The following CAMK1D variants were observed in gnomAD, a reference collection of about 807,000 sequenced individuals.
CAMK1D encodes the protein calcium/calmodulin dependent protein kinase ID.
Under a neutral mutation model 47.7 loss-of-function variants are expected in CAMK1D, and 9 were observed. The ratio of observed to expected loss-of-function variants is 0.19; its 90% CI spans 0.11 to 0.33. The LOEUF (loss-of-function observed/expected upper bound fraction) is 0.33, where lower values mean the gene tolerates loss of function less well. Among genes scored for constraint, CAMK1D ranks in the 10% least tolerant of loss-of-function variants. CAMK1D has a pLI of 1.00. For missense variants in CAMK1D, 291 were observed against 488.7 expected (o/e 0.60, Z 3.81); for synonymous variants, 184 against 184.9 (o/e 0.99, Z 0.04).
chr10:12,525,514 T>A (rs1288272886), intron 1 of CAMK1D, among the ~76,000 whole-genome samples: 4 of 152,332 alleles, frequency 2.6e-5, no homozygotes, highest in African/African-American at 9.6e-5. Flanking sequence ...ACTCATCTAG[T>A]GAATTTTTAA....
intron 1 of CAMK1D, among the ~76,000 whole-genome samples, chr10:12,387,055 T>G (rs978986201): frequency 6.6e-6 from 1 of 151,250 alleles, no homozygotes; most frequent in African/African-American, 2.4e-5. Flanking sequence ...TACAAAAAAA[T>G]TAGCCAGGTG....
At chr10:12,441,784 A>G (rs1832792801) in intron 1 of CAMK1D, among the ~76,000 whole-genome samples, 1 of 151,854 alleles carries the variant, frequency 6.6e-6, no homozygotes, top group African/African-American at 2.4e-5. Flanking sequence ...GGGCAACAGA[A>G]TGAGACTCTG....
intron 1 of CAMK1D, among the ~76,000 whole-genome samples, chr10:12,392,369 C>G (rs968947481): frequency 2.4e-4 from 37 of 152,054 alleles, no homozygotes; most frequent in African/African-American, 8.4e-4. Flanking sequence ...CTCCTCCTTC[C>G]CTCTCCCCCC....
intron 1 of CAMK1D, among the ~76,000 whole-genome samples, chr10:12,355,030 A>G (rs1837467986): frequency 6.6e-6 from 1 of 150,918 alleles, no homozygotes; most frequent in Non-Finnish European, 1.5e-5. Flanking sequence ...TTTTGTAGAG[A>G]CAGAGTTTTG....
intron 1 of CAMK1D, among the ~76,000 whole-genome samples, chr10:12,487,131 G>A (rs1287493602): frequency 6.6e-6 from 1 of 152,136 alleles, no homozygotes; most frequent in East Asian, 1.9e-4. Context: ...ACTAAGCCTA[G>A]TAACCAATAG....
At chr10:12,644,669 C>G (rs973662889) in intron 2 of CAMK1D, among the ~76,000 whole-genome samples, 2 of 152,166 alleles carry the variant, frequency 1.3e-5, no homozygotes, top group African/African-American at 4.8e-5. Context: ...CGGAGGCTTC[C>G]CTCTGCTTCT....
At chr10:12,553,857 T>TG (rs1049065817) in intron 2 of CAMK1D, among the ~76,000 whole-genome samples, 3 of 152,098 alleles carry the variant, frequency 2.0e-5, no homozygotes, top group African/African-American at 4.8e-5. Context: ...TATAATAAGG[T>TG]GATGAAGCTC....
rs962070108 is a variant in CAMK1D at position 12,408,942 on chromosome 10, C to G, written c.92+59032C>G. Among the ~76,000 whole-genome samples, 3 of 151,238 alleles carry G rather than the reference C, an allele frequency of 2.0e-5. No homozygotes were observed. The East Asian group carries it at 5.8e-4, about 29-fold the overall frequency. On this transcript the variant is annotated intron_variant, in intron 1 of 10. Coordinates refer to ENST00000619168, the MANE Select transcript of CAMK1D (RefSeq NM_153498.4). Reference sequence around the variant, plus strand: ...GATCTCAGCTCACTGCAACCTCCACCTCCCGGATTCAAGCAATTCTCCTGC... The same window carrying G: ...GATCTCAGCTCACTGCAACCTCCACGTCCCGGATTCAAGCAATTCTCCTGC...
chr10:12,531,009 G>A (rs992807721), intron 1 of CAMK1D, among the ~76,000 whole-genome samples: 1 of 150,288 alleles, frequency 6.7e-6, no homozygotes. Context: ...AGTGAGCCAA[G>A]ATTGTGCCAC....
rs140343147 is a variant in CAMK1D at position 12,753,798 on chromosome 10, G to A, written c.300-7150G>A. Reference sequence around the variant, plus strand: ...GAGTGAGTTCTGGCTGCTTTCACTGGTTCCCCTTTTTCAGTATAATTCCAT... The same window carrying A: ...GAGTGAGTTCTGGCTGCTTTCACTGATTCCCCTTTTTCAGTATAATTCCAT... On this transcript the variant is annotated intron_variant, in intron 3 of 10. Transcript: ENST00000619168. Among the ~76,000 whole-genome samples the A allele has an allele frequency of 2.3e-3, 344 of 152,320 alleles. 2 individuals are homozygous for A. The highest frequency in any genetic ancestry group is 7.5e-3 in the African/African-American group (313 of 41,570).
intron 6 of CAMK1D, among the ~76,000 whole-genome samples, chr10:12,796,469 T>C (rs1244976513): frequency 2.0e-5 from 3 of 152,236 alleles, no homozygotes; most frequent in Non-Finnish European, 4.4e-5. Flanking sequence ...CTAATCTGCA[T>C]GCTTATATCC....
chr10:12,440,286 ATTT>A (rs5783268), intron 1 of CAMK1D, among the ~76,000 whole-genome samples: 15 of 135,510 alleles, frequency 1.1e-4, no homozygotes, highest in Non-Finnish European at 1.3e-4. Context: ...GTCTTTTTGG[ATTT>A]TTTTTTTTTT....
At chr10:12,597,216 T>C (rs1268165511) in intron 2 of CAMK1D, among the ~76,000 whole-genome samples, 1 of 152,196 alleles carries the variant, frequency 6.6e-6, no homozygotes, top group African/African-American at 2.4e-5. Context: ...AAACTGCACG[T>C]GGTCTGTATG....
intron 1 of CAMK1D, among the ~76,000 whole-genome samples, chr10:12,464,590 C>T (rs566584627): frequency 1.3e-5 from 2 of 152,056 alleles, no homozygotes; most frequent in African/African-American, 2.4e-5. Context: ...CCGAGGCAGG[C>T]GGATCACGAG....
At chr10:12,745,776 G>C (rs572399776) in intron 3 of CAMK1D, among the ~76,000 whole-genome samples, 45 of 151,926 alleles carry the variant, frequency 3.0e-4, no homozygotes, top group African/African-American at 1.1e-3. Flanking sequence ...CTAATTTTTG[G>C]TATTTTTAGT....
chr10:12,691,290 T>A (rs1832867077), intron 3 of CAMK1D, among the ~76,000 whole-genome samples: 1 of 149,936 alleles, frequency 6.7e-6, no homozygotes, highest in African/African-American at 2.5e-5. Context: ...CACTTGTTCA[T>A]GGGGAGGGAA....
chr10:12,789,633 G>A (rs903741638), intron 5 of CAMK1D, among the ~76,000 whole-genome samples: 2 of 151,948 alleles, frequency 1.3e-5, no homozygotes, highest in East Asian at 1.9e-4. Flanking sequence ...TCGTGTAGAC[G>A]CCACATTCCC....
intron 1 of CAMK1D, among the ~76,000 whole-genome samples, chr10:12,400,182 C>T (rs571564862): frequency 2.6e-5 from 4 of 152,268 alleles, no homozygotes; most frequent in South Asian, 4.1e-4. Context: ...GTTTTTAACT[C>T]GGAATTTCAA....
intron 2 of CAMK1D, among the ~76,000 whole-genome samples, chr10:12,554,880 C>T (rs755176323): frequency 2.0e-5 from 3 of 152,156 alleles, no homozygotes; most frequent in South Asian, 2.1e-4. Context: ...TCCATCCCAG[C>T]GATGTTCTTT....
Sources: gnomAD v4.1 joint callset for allele counts (sites outside exome capture counted in the v4.1 genomes callset) on GRCh38, gnomAD v4.1.1 for gene constraint, MANE v1.5 for transcripts, NCBI Gene and HGNC (gene_info 2026-07-23, HGNC 2026-07-21) for gene names.